Variants in IMMP2L observed in about 807,000 individuals in gnomAD.
IMMP2L encodes inner mitochondrial membrane peptidase subunit 2.
A neutral mutation model predicts 19.3 loss-of-function variants in IMMP2L; 18 were observed. The ratio of observed to expected loss-of-function variants is 0.93; its 90% CI spans 0.64 to 1.38. IMMP2L has a LOEUF of 1.38. Ranked by LOEUF, IMMP2L falls within the 40% of genes most tolerant of loss-of-function variation. The pLI, the probability that IMMP2L is intolerant of heterozygous loss-of-function variation, is 0.00. For missense variants in IMMP2L, 233 were observed against 218.2 expected (o/e 1.07, Z -0.43); for synonymous variants, 76 against 73.0 (o/e 1.04, Z -0.21).
chr7:111,189,716 C>T (rs1808663473), intron 3 of IMMP2L, among the ~76,000 whole-genome samples: 1 of 152,074 alleles, frequency 6.6e-6, no homozygotes, highest in African/African-American at 2.4e-5. Flanking sequence ...GATTGTCATT[C>T]TTCATAGCTT....
chr7:111,083,745 G>C (rs1349592184), intron 3 of IMMP2L, among the ~76,000 whole-genome samples: 3 of 152,156 alleles, frequency 2.0e-5, no homozygotes, highest in Admixed American at 2.0e-4. Flanking sequence ...AAGTTTCAGT[G>C]TCTTGCATCG....
chr7:110,860,580 C>T (rs970142144), intron 5 of IMMP2L, among the ~76,000 whole-genome samples: 2 of 152,066 alleles, frequency 1.3e-5, no homozygotes, highest in African/African-American at 4.8e-5. Context: ...TTATCAGAAT[C>T]TTGGCCTTGA....
intron 5 of IMMP2L, among the ~76,000 whole-genome samples, chr7:110,884,975 T>C (rs946181779): frequency 2.0e-5 from 3 of 152,010 alleles, no homozygotes; most frequent in African/African-American, 4.8e-5. Flanking sequence ...AAGTGGCTGC[T>C]CCATTAGTGA....
chr7:111,521,395 C>T lies in IMMP2L; in HGVS notation c.53G>A (p.Gly18Asp). The T allele has an allele frequency of 6.2e-7, 1 of 1,613,214 alleles. No homozygotes were observed. Among genetic ancestry groups the T allele is most frequent in the Non-Finnish European group, 8.5e-7 (1 of 1,179,424 alleles). Residue 18 changes from glycine to aspartate, a missense_variant, in exon 2 of 6, where the codon GGC (glycine) becomes GAC (aspartate). Gly to Asp is a moderately conservative substitution (Grantham distance 94, BLOSUM62 -1). Coordinates refer to ENST00000405709, the MANE Select transcript of IMMP2L (RefSeq NM_032549.4). The part of the protein sequence containing the change: ...VKRYIKAFCK[G>D]FFVAVPVAVT... ...TGCCACAGGCACCGCCACAAAGAAG[C>T]CTTTACAAAAGGCCTTGATGTATCT...
chr7:111,255,443 G>T (rs906356819), intron 3 of IMMP2L, among the ~76,000 whole-genome samples: 10 of 152,076 alleles, frequency 6.6e-5, no homozygotes, highest in Non-Finnish European at 1.3e-4. Flanking sequence ...CACTTAAAAT[G>T]ATTCATTATA....
intron 3 of IMMP2L, among the ~76,000 whole-genome samples, chr7:111,092,857 G>A (rs1297481736): frequency 3.3e-5 from 5 of 152,276 alleles, no homozygotes; most frequent in African/African-American, 1.2e-4. Flanking sequence ...ATCTTCTGGA[G>A]CTCTCTCCTG....
At chr7:111,377,248 TA>T (rs1315035649) in intron 3 of IMMP2L, among the ~76,000 whole-genome samples, 4 of 152,046 alleles carry the variant, frequency 2.6e-5, no homozygotes, top group Admixed American at 2.6e-4. Context: ...CATATGTAAA[TA>T]TATATATGTG....
intron 3 of IMMP2L, among the ~76,000 whole-genome samples, chr7:111,222,155 G>A (rs1002639990): frequency 9.2e-5 from 14 of 152,000 alleles, no homozygotes; most frequent in East Asian, 1.9e-4. Flanking sequence ...AGCAAGATGT[G>A]TAGATATATT....
intron 3 of IMMP2L, among the ~76,000 whole-genome samples, chr7:111,147,521 A>C (rs1046752639): frequency 7.2e-5 from 11 of 152,238 alleles, no homozygotes; most frequent in Non-Finnish European, 1.6e-4. Flanking sequence ...AAGCAGCCAC[A>C]TAAAAAGTGA....
At chr7:110,680,945 G>C (rs1392630228) in intron 5 of IMMP2L, among the ~76,000 whole-genome samples, 2 of 152,050 alleles carry the variant, frequency 1.3e-5, no homozygotes, top group African/African-American at 2.4e-5. Context: ...ATAGGGGTGT[G>C]CTGTGTTCCT....
intron 5 of IMMP2L, among the ~76,000 whole-genome samples, chr7:110,784,597 C>CA (rs1430940852): frequency 1.3e-5 from 2 of 151,992 alleles, no homozygotes; most frequent in African/African-American, 4.8e-5. Context: ...GATCACCCCT[C>CA]ATCCATGCTT....
chr7:111,455,510 C>G lies in IMMP2L; in HGVS notation c.239+31728G>C, dbSNP rs1459947559. On this transcript the variant is annotated intron_variant, in intron 3 of 5. Coordinates refer to ENST00000405709, the MANE Select transcript of IMMP2L (RefSeq NM_032549.4). ...CATAAGTCATCCCATTCAAATTACT[C>G]AAAATAAAATACTGCAGCATCAATA... Among the ~76,000 whole-genome samples, 8 of 152,024 alleles carry G rather than the reference C, an allele frequency of 5.3e-5. No individual in the cohort carries two copies. In the East Asian group the frequency reaches 9.6e-4, roughly 18 times the overall value.
rs145549716 is a variant in IMMP2L, at chr7:111,416,201, T to TTTA, written c.239+71034_239+71036dup. Among the ~76,000 whole-genome samples the TTTA allele has an allele frequency of 3.6e-3, 540 of 151,922 alleles. 8 individuals carry two copies. The highest frequency in any genetic ancestry group is 0.022 in the East Asian group (116 of 5,180). The stretch of plus-strand genomic sequence containing the variant: ...ATCCCATTAAAGTACATATTGAAAC[T>TTTA]TTATATACGATGCTTGAAAGGTCAC... On this transcript the variant is annotated intron_variant, in intron 3 of 5. Transcript: ENST00000405709.
At chr7:110,815,211 CTATTGAG>C (rs1802388076) in intron 5 of IMMP2L, among the ~76,000 whole-genome samples, 1 of 152,098 alleles carries the variant, frequency 6.6e-6, no homozygotes, top group South Asian at 2.1e-4. Context: ...TTTTCTGCAT[CTATTGAG>C]ATAATCATGT....
In IMMP2L at chr7:111,496,436, T is replaced by C. The variant is rs566876408; in HGVS notation, c.136-9095A>G. ...CCAGAATGCTAAGAAAGCATTATTCTGGGTATATCTGTGAGGGAGTGTTCC... is the reference window on the plus strand; with the variant it reads ...CCAGAATGCTAAGAAAGCATTATTCCGGGTATATCTGTGAGGGAGTGTTCC... On this transcript the variant is annotated intron_variant, in intron 2 of 5. Transcript: ENST00000405709. Among the ~76,000 whole-genome samples, 70 of 152,270 alleles carry C rather than the reference T, an allele frequency of 4.6e-4. 1 individual carries two copies. The highest frequency in any genetic ancestry group is 3.6e-3 in the Admixed American group (55 of 15,302).
intron 3 of IMMP2L, among the ~76,000 whole-genome samples, chr7:111,023,732 ATTGT>A (rs1425006995): frequency 2.6e-5 from 4 of 151,998 alleles, no homozygotes; most frequent in African/African-American, 9.7e-5. Context: ...CAAAACAAAA[ATTGT>A]AAGTTTATTC....
intron 3 of IMMP2L, among the ~76,000 whole-genome samples, chr7:111,192,442 C>T (rs1028383382): frequency 2.6e-5 from 4 of 152,084 alleles, no homozygotes; most frequent in African/African-American, 9.7e-5. Flanking sequence ...AGTCTGAAAA[C>T]TGAGCAATCC....
intron 5 of IMMP2L, among the ~76,000 whole-genome samples, chr7:110,884,967 G>C (rs1487475063): frequency 6.6e-6 from 1 of 151,892 alleles, no homozygotes; most frequent in African/African-American, 2.4e-5. Context: ...ATGAGTCAAA[G>C]TGGCTGCTCC....
At chr7:110,985,512 C>A (rs1224106053) in intron 3 of IMMP2L, among the ~76,000 whole-genome samples, 1 of 152,116 alleles carries the variant, frequency 6.6e-6, no homozygotes, top group African/African-American at 2.4e-5. Flanking sequence ...CAGAGTTTCA[C>A]TATTCAAGTT....
Sources: allele counts gnomAD v4.1 joint callset (sites outside exome capture counted in the v4.1 genomes callset), GRCh38; gene constraint gnomAD v4.1.1; transcripts MANE v1.5; gene names NCBI Gene and HGNC (gene_info 2026-07-23, HGNC 2026-07-21).